The following MORC1 variants were observed in gnomAD, a reference collection of about 807,000 sequenced individuals.
MORC1 encodes the protein MORC family CW-type zinc finger protein 1.
In MORC1, 59 loss-of-function variants were observed where a neutral mutation model predicts 134.9. That is an observed-to-expected ratio of 0.44 (90% CI 0.35 to 0.54). The LOEUF is 0.54. Among genes scored for constraint, MORC1 ranks in the 20% least tolerant of loss-of-function variants. MORC1 has a pLI of 0.00. For synonymous variants in MORC1, 395 were observed against 391.7 expected (o/e 1.01, Z -0.10); for missense variants, 947 against 1,134.5 (o/e 0.83, Z 2.37).
rs532001734 is a variant in MORC1 at position 108,958,591 on chromosome 3, G to GA, written c.*373dup. On this transcript the variant is annotated 3_prime_UTR_variant, in exon 28 of 28. Coordinates refer to ENST00000232603, the MANE Select transcript of MORC1 (RefSeq NM_014429.4). Reference sequence around the variant, plus strand: ...CTGTAGTCCTTCACATATCGATTTTGAAAAAATCTGCTTTTAAATGTTTTT... The same window carrying GA: ...CTGTAGTCCTTCACATATCGATTTTGAAAAAAATCTGCTTTTAAATGTTTTT... 266 of 152,746 alleles carry GA rather than the reference G, an allele frequency of 1.7e-3. 1 individual carries two copies. Among genetic ancestry groups the GA allele is most frequent in the Admixed American group, 6.0e-3 (91 of 15,248 alleles). The allele number at this position is 152,746 out of a possible 1,614,324, so 9.5% of individuals were successfully genotyped here. A position where few individuals can be genotyped will look rare whatever the true frequency, so the allele number is the denominator to read the frequency against.
rs565980741 is a variant in MORC1, at chr3:108,979,461, A to C, written c.2477+54T>G. Reference sequence around the variant, plus strand: ...AGTAGGGAAAACAACAGGAGTTGTCACTGCTTAGAAAGTTAAACAAAGCAT... The same window carrying C: ...AGTAGGGAAAACAACAGGAGTTGTCCCTGCTTAGAAAGTTAAACAAAGCAT... On this transcript the variant is annotated intron_variant, in intron 24 of 27. Coordinates refer to ENST00000232603, the MANE Select transcript of MORC1 (RefSeq NM_014429.4). 192 of 1,577,872 alleles carry C rather than the reference A, an allele frequency of 1.2e-4. No individual in the cohort carries two copies. The Middle Eastern group carries it at 4.3e-3, about 35-fold the overall frequency.
In MORC1 at chr3:109,100,490, T is replaced by C. The variant is rs116475568; in HGVS notation, c.241A>G (p.Ile81Val). Reference protein sequence around the residue: ...GMSPEEASDIIYFGRSKKRLS... With the variant: ...GMSPEEASDIVYFGRSKKRLS... ...CGTTTTTTGGATCGTCCAAAGTAAA[T>C]GATGTCTGAAGCTTCCTCTGTAATT... Residue 81 changes from isoleucine (I) to valine (V), a missense_variant, in exon 5 of 28, where the codon ATT (isoleucine) becomes GTT (valine). Physicochemically the swap from Ile to Val is conservative, Grantham distance 29 (BLOSUM62 3). Coordinates refer to ENST00000232603, the MANE Select transcript of MORC1 (RefSeq NM_014429.4). The C allele has an allele frequency of 2.4e-5, 38 of 1,612,776 alleles. No individual in the cohort carries two copies. The highest frequency in any genetic ancestry group is 3.1e-5 in the Non-Finnish European group (37 of 1,178,930).
intron 8 of MORC1, among the ~76,000 whole-genome samples, chr3:109,076,961 GA>G (rs912596328): frequency 6.5e-5 from 7 of 108,028 alleles, no homozygotes; most frequent in African/African-American, 2.5e-4. Context: ...ATGTATCCCA[GA>G]ACTTAAAGTA....
At chr3:109,012,397 CTTTTT>C (rs771764114) in intron 17 of MORC1, among the ~76,000 whole-genome samples, 1 of 151,972 alleles carries the variant, frequency 6.6e-6, no homozygotes, top group Admixed American at 6.6e-5. Context: ...CATCTTTGTT[CTTTTT>C]TAAGGTTATT....
intron 6 of MORC1, among the ~76,000 whole-genome samples, chr3:109,098,200 C>T (rs775764370): frequency 6.6e-6 from 1 of 151,996 alleles, no homozygotes; most frequent in Non-Finnish European, 1.5e-5. Flanking sequence ...TGCACTCCAC[C>T]GTGCCCAGCT....
At chr3:109,104,620 G>A (rs888059702) in intron 3 of MORC1, among the ~76,000 whole-genome samples, 7 of 152,070 alleles carry the variant, frequency 4.6e-5, no homozygotes, top group South Asian at 2.1e-4. Flanking sequence ...GAGGCCAGGG[G>A]TTCAAGACCA....
chr3:109,039,078 G>A (rs1949450088), intron 14 of MORC1, among the ~76,000 whole-genome samples: 1 of 152,020 alleles, frequency 6.6e-6, no homozygotes. Context: ...CATAATGCCT[G>A]GCTAATTTTT....
At chr3:109,099,902 ATTTAT>A (rs1182404494) in intron 5 of MORC1, among the ~76,000 whole-genome samples, 1 of 152,226 alleles carries the variant, frequency 6.6e-6, no homozygotes, top group Non-Finnish European at 1.5e-5. Context: ...TTGAAAGAGG[ATTTAT>A]TTTATTATTT....
intron 14 of MORC1, among the ~76,000 whole-genome samples, chr3:109,047,852 G>T (rs996846619): frequency 6.6e-6 from 1 of 152,142 alleles, no homozygotes; most frequent in African/African-American, 2.4e-5. Context: ...TATTAGAGCT[G>T]ATGAAGAAAA....
intron 23 of MORC1, among the ~76,000 whole-genome samples, chr3:108,981,048 G>A (rs1041361597): frequency 3.3e-5 from 5 of 152,074 alleles, no homozygotes; most frequent in African/African-American, 7.2e-5. Flanking sequence ...AATAACTCAC[G>A]GTAAGGATGT....
At chr3:108,966,868 G>C (rs2107371566) in intron 26 of MORC1, among the ~76,000 whole-genome samples, 1 of 152,258 alleles carries the variant, frequency 6.6e-6, no homozygotes, top group East Asian at 1.9e-4. Context: ...AGATGGAACA[G>C]AGGCCTGTGA....
At chr3:109,047,483 CT>C in intron 14 of MORC1, among the ~76,000 whole-genome samples, 1 of 151,968 alleles carries the variant, frequency 6.6e-6, no homozygotes, top group East Asian at 1.9e-4. Context: ...AGCATAAGTG[CT>C]TTCAATGGTA....
rs141531199 is a variant in MORC1, at chr3:109,072,831, C to T, written c.690-3074G>A. 5.1e-3 allele frequency among the ~76,000 whole-genome samples: 782 copies of T among 152,214 alleles called. 18 individuals carry two copies. The highest frequency in any genetic ancestry group is 0.018 in the African/African-American group (750 of 41,514). On this transcript the variant is annotated intron_variant, in intron 8 of 27. Transcript: ENST00000232603. Reference sequence around the variant, plus strand: ...AATACCTTTGTTTCCTGTCTCCTTACACTTTGTCAGAAGTGTCCATATCTC... The same window carrying T: ...AATACCTTTGTTTCCTGTCTCCTTATACTTTGTCAGAAGTGTCCATATCTC...
intron 8 of MORC1, among the ~76,000 whole-genome samples, chr3:109,084,417 AT>A (rs1198166870): frequency 3.3e-5 from 5 of 152,178 alleles, no homozygotes. Context: ...GCTACAAAGA[AT>A]ATAAAACACC....
At chr3:109,025,948 C>A (rs1410745734) in intron 17 of MORC1, among the ~76,000 whole-genome samples, 1 of 152,086 alleles carries the variant, frequency 6.6e-6, no homozygotes, top group Non-Finnish European at 1.5e-5. Flanking sequence ...GTAAGTAAAA[C>A]CAACACTACC....
Position 109,020,768 on chromosome 3 carries a change from A to AAAAAAAAAACAAC in MORC1, c.1704+6982_1704+6983insGTTGTTTTTTTTT, listed in dbSNP as rs1203708456. ...CGACACAGTGAGACTCTGTCTCAAA[A>AAAAAAAAAACAAC]AAAAAAAAGATTAGGTATGAATTTT... On this transcript the variant is annotated intron_variant, in intron 17 of 27. Transcript: ENST00000232603. 2.0e-4 allele frequency among the ~76,000 whole-genome samples: 31 copies of AAAAAAAAAACAAC among 151,734 alleles called. 2 individuals are homozygous for AAAAAAAAAACAAC. Among genetic ancestry groups the AAAAAAAAAACAAC allele is most frequent in the Non-Finnish European group, 4.1e-4 (28 of 67,928 alleles).
chr3:109,027,740 T>C lies in MORC1; in HGVS notation c.1704+11A>G, dbSNP rs1156462400. The C allele has an allele frequency of 1.9e-6, 3 of 1,613,536 alleles. No homozygotes were observed. The highest frequency in any genetic ancestry group is 3.3e-5 in the Admixed American group (2 of 59,966). ...CACAGTAGAATTAGGGAGGAATTAA[T>C]CACAACTCACCTGTGGCTGCTGTTC... On this transcript the variant is annotated intron_variant, in intron 17 of 27. Coordinates refer to ENST00000232603, the MANE Select transcript of MORC1 (RefSeq NM_014429.4).
chr3:109,010,515 A>G (rs952994916), intron 17 of MORC1, among the ~76,000 whole-genome samples: 1 of 152,086 alleles, frequency 6.6e-6, no homozygotes, highest in East Asian at 1.9e-4. Flanking sequence ...TCTTTTCTCT[A>G]ATTTACAGCT....
At chr3:109,042,800 T>C (rs551801792) in intron 14 of MORC1, among the ~76,000 whole-genome samples, 2 of 152,304 alleles carry the variant, frequency 1.3e-5, no homozygotes, top group South Asian at 4.1e-4. Context: ...CTGGTGAACA[T>C]TACGTTAAGT....
Sources: allele counts gnomAD v4.1 joint callset (sites outside exome capture counted in the v4.1 genomes callset), GRCh38; gene constraint gnomAD v4.1.1; transcripts MANE v1.5; gene names NCBI Gene and HGNC (gene_info 2026-07-23, HGNC 2026-07-21).